The following SLC24A2 variants were observed in gnomAD, a reference collection of about 807,000 sequenced individuals.
The protein encoded by SLC24A2 is sodium/potassium/calcium exchanger 2.
SLC24A2 carries 36 observed loss-of-function variants against 62.0 expected under a neutral mutation model. The observed-to-expected ratio is 0.58, with a 90% CI of 0.44 to 0.77. The LOEUF is 0.77. Among genes scored for constraint, SLC24A2 ranks in the 30% least tolerant of loss-of-function variants. The probability of loss-of-function intolerance (pLI) is 0.00; values close to 1 mark genes in which losing one functional copy is unlikely to be tolerated. For missense variants in SLC24A2, 846 were observed against 817.9 expected (o/e 1.03, Z -0.42); for synonymous variants, 358 against 294.0 (o/e 1.22, Z -2.23).
chr9:19,809,442 G>T, the SLC24A2 span, among the ~76,000 whole-genome samples: 1 of 152,166 alleles, frequency 6.6e-6, no homozygotes, highest in Middle Eastern at 3.2e-3. Flanking sequence ...GAGTTAAGAA[G>T]AAATTACGTA....
the SLC24A2 span, among the ~76,000 whole-genome samples, chr9:19,949,943 G>A: frequency 4.7e-3 from 718 of 152,248 alleles, 10 homozygotes; most frequent in African/African-American, 0.016. Flanking sequence ...GACCAGCAGC[G>A]GCACCCGGGA....
At chr9:19,689,929 T>C (rs1463498380) in intron 2 of SLC24A2, among the ~76,000 whole-genome samples, 1 of 152,110 alleles carries the variant, frequency 6.6e-6, no homozygotes, top group African/African-American at 2.4e-5. Context: ...TGGGTATGCA[T>C]CATCCAAACT....
the SLC24A2 span, among the ~76,000 whole-genome samples, chr9:20,090,050 G>C: frequency 1.3e-5 from 2 of 152,068 alleles, no homozygotes; most frequent in African/African-American, 4.8e-5. Flanking sequence ...ACTAAAAAAG[G>C]AGCAAAGGCC....
the SLC24A2 span, among the ~76,000 whole-genome samples, chr9:20,011,291 T>A: frequency 1.3e-5 from 2 of 152,328 alleles, no homozygotes; most frequent in South Asian, 4.1e-4. Flanking sequence ...GATTTTTTAA[T>A]GATCACCATT....
the SLC24A2 span, among the ~76,000 whole-genome samples, chr9:19,908,615 C>T: frequency 6.6e-6 from 1 of 152,138 alleles, no homozygotes; most frequent in Non-Finnish European, 1.5e-5. Context: ...CCAGAATCTA[C>T]AATGAACTCA....
the SLC24A2 span, among the ~76,000 whole-genome samples, chr9:20,278,511 A>T: frequency 3.5e-4 from 54 of 152,186 alleles, no homozygotes; most frequent in African/African-American, 1.3e-3. Flanking sequence ...ATATGCCACT[A>T]GTCTCTTTGC....
At chr9:20,031,903 C>A in the SLC24A2 span, among the ~76,000 whole-genome samples, 1 of 152,166 alleles carries the variant, frequency 6.6e-6, no homozygotes, top group African/African-American at 2.4e-5. Context: ...TAGTGTGCAC[C>A]AATTCTAATT....
At chr9:20,017,727 C>T in the SLC24A2 span, among the ~76,000 whole-genome samples, 1 of 152,130 alleles carries the variant, frequency 6.6e-6, no homozygotes, top group East Asian at 1.9e-4. Context: ...TTGGACACTG[C>T]TGATGTTTGA....
At chr9:19,923,897 A>G in the SLC24A2 span, among the ~76,000 whole-genome samples, 56 of 152,204 alleles carry the variant, frequency 3.7e-4, no homozygotes, top group Non-Finnish European at 6.5e-4. Context: ...ACAGGTGTGC[A>G]CCACCATGTC....
chr9:19,883,813 C>T, the SLC24A2 span, among the ~76,000 whole-genome samples: 3 of 152,144 alleles, frequency 2.0e-5, no homozygotes, highest in African/African-American at 7.2e-5. Context: ...GATCCGCCCA[C>T]CTTGGCCTCC....
At chr9:19,992,512 G>A in the SLC24A2 span, among the ~76,000 whole-genome samples, 1 of 152,114 alleles carries the variant, frequency 6.6e-6, no homozygotes. Context: ...ATTCAAATTG[G>A]CTAGTCTTTG....
rs564898088 is a variant in SLC24A2 at position 19,547,406 on chromosome 9, T to C, written c.1479+2731A>G. Among the ~76,000 whole-genome samples the C allele has an allele frequency of 5.9e-5, 9 of 152,284 alleles. No homozygotes were observed. In the East Asian group the frequency reaches 1.7e-3, roughly 29 times the overall value. On this transcript the variant is annotated intron_variant, in intron 8 of 10. Coordinates refer to ENST00000341998, the MANE Select transcript of SLC24A2 (RefSeq NM_020344.4). ...TTTCTTGCTCTGTGCCTCTCCGGAT[T>C]GTGGCATCAGCCAGAGCAGTTGTCA... is the stretch of plus-strand genomic sequence containing the variant.
At chr9:20,019,316 T>A in the SLC24A2 span, among the ~76,000 whole-genome samples, 30 of 101,460 alleles carry the variant, frequency 3.0e-4, no homozygotes, top group South Asian at 6.8e-4. Flanking sequence ...AGAAAGAAAG[T>A]GAGTGACTTG....
chr9:20,134,063 C>A, the SLC24A2 span, among the ~76,000 whole-genome samples: 1 of 152,048 alleles, frequency 6.6e-6, no homozygotes, highest in East Asian at 1.9e-4. Context: ...CAACGATGTA[C>A]ACATAGATTC....
At chr9:20,187,359 AAGAG>A in the SLC24A2 span, among the ~76,000 whole-genome samples, 1 of 152,140 alleles carries the variant, frequency 6.6e-6, no homozygotes, top group African/African-American at 2.4e-5. Context: ...CAGATAGTAA[AAGAG>A]AGAATTCTCT....
At chr9:19,715,833 A>G (rs934501842) in intron 2 of SLC24A2, among the ~76,000 whole-genome samples, 9 of 152,248 alleles carry the variant, frequency 5.9e-5, no homozygotes, top group Non-Finnish European at 1.3e-4. Flanking sequence ...GCATTATTCA[A>G]CTAATACAAA....
intron 4 of SLC24A2, among the ~76,000 whole-genome samples, chr9:19,607,644 G>T (rs1217089475): frequency 5.3e-5 from 8 of 151,426 alleles, no homozygotes; most frequent in African/African-American, 1.9e-4. Flanking sequence ...GCTTGAACCC[G>T]GGAGGTGGAG....
chr9:19,866,928 G>T, the SLC24A2 span, among the ~76,000 whole-genome samples: 2 of 151,998 alleles, frequency 1.3e-5, no homozygotes, highest in African/African-American at 4.8e-5. Flanking sequence ...GTACTGGGGG[G>T]GTTGGATGGG....
At chr9:19,902,736 A>G in the SLC24A2 span, among the ~76,000 whole-genome samples, 1 of 152,216 alleles carries the variant, frequency 6.6e-6, no homozygotes, top group Non-Finnish European at 1.5e-5. Context: ...AAAGAGCCAT[A>G]TTTTCAGAGT....
Sources: gnomAD v4.1 joint callset for allele counts (sites outside exome capture counted in the v4.1 genomes callset) on GRCh38, gnomAD v4.1.1 for gene constraint, MANE v1.5 for transcripts, NCBI Gene and HGNC (gene_info 2026-07-23, HGNC 2026-07-21) for gene names.